RNF121: variants seen among roughly 807,000 people sequenced by gnomAD.
The protein encoded by RNF121 is ring finger protein 121.
In RNF121, 21 loss-of-function variants were observed where a neutral mutation model predicts 46.5. That is an observed-to-expected ratio of 0.45 (90% CI 0.32 to 0.65). The LOEUF (loss-of-function observed/expected upper bound fraction) is 0.65. Ranked by LOEUF, RNF121 falls within the 30% of genes least tolerant of loss-of-function variation. The pLI is 0.04. For synonymous variants in RNF121, 139 were observed against 144.7 expected (o/e 0.96, Z 0.28); for missense variants, 346 against 416.0 (o/e 0.83, Z 1.46).
At chr11:71,991,844 G>T (rs1315194360) in intron 6 of RNF121, among the ~76,000 whole-genome samples, 10 of 151,994 alleles carry the variant, frequency 6.6e-5, no homozygotes, top group Non-Finnish European at 1.5e-4. Flanking sequence ...GGGAGGGGCC[G>T]GGCACAGTGG....
chr11:71,988,310 G>C (rs1478226242), intron 5 of RNF121, among the ~76,000 whole-genome samples: 3 of 152,184 alleles, frequency 2.0e-5, no homozygotes, highest in African/African-American at 7.2e-5. Flanking sequence ...GATGAGGGTG[G>C]AAATAATGCT....
At chr11:71,977,985 T>C (rs1954564673) in intron 3 of RNF121, 1 of 274,688 alleles carries the variant, frequency 3.6e-6, no homozygotes, top group Non-Finnish European at 7.3e-6. Flanking sequence ...TAGCCATTTA[T>C]ATGCCTTCCT....
At chr11:71,995,419 C>G (rs1954954882) in intron 7 of RNF121, 31 bp from the exon 8 acceptor site, 1 of 1,547,042 alleles carries the variant, frequency 6.5e-7, no homozygotes, top group African/African-American at 1.4e-5. Context: ...CGCCCTGGCT[C>G]TCACCATTTC....
At chr11:71,994,954 C>A in intron 7 of RNF121, 102 bp downstream of exon 7, 1 of 1,498,938 alleles carries the variant, frequency 6.7e-7, no homozygotes, top group Non-Finnish European at 9.1e-7. Context: ...GCTGTCCAGA[C>A]CCTTGAGTGT....
At chr11:71,976,331 A>G (rs529642839) in intron 3 of RNF121, among the ~76,000 whole-genome samples, 30 of 126,526 alleles carry the variant, frequency 2.4e-4, no homozygotes, top group South Asian at 1.5e-3. Context: ...TGCCCCCTCC[A>G]TTCTGGGTAT....
rs547196349 is a variant in RNF121, at chr11:71,936,418, C to T, written c.63+7294C>T. 1.3e-3 allele frequency among the ~76,000 whole-genome samples: 195 copies of T among 150,270 alleles called. 1 individual carries two copies. The highest frequency in any genetic ancestry group is 1.9e-3 in the Non-Finnish European group (131 of 67,646). On this transcript the variant is annotated intron_variant, in intron 1 of 8. Transcript: ENST00000361756. ...CACTTTTTTATTTTTTAGACAGAGT[C>T]TCGCTCTGTCACCCAGGCTGGAGCG... is the stretch of plus-strand genomic sequence containing the variant.
At chr11:71,940,142 T>C (rs2134151347) in intron 1 of RNF121, among the ~76,000 whole-genome samples, 2 of 152,340 alleles carry the variant, frequency 1.3e-5, no homozygotes, top group East Asian at 3.9e-4. Context: ...CTTGAGCATA[T>C]GATTCCTCAC....
chr11:71,996,253 G>A lies in RNF121; in HGVS notation c.922G>A (p.Ala308Thr). 6.2e-7 allele frequency: 1 copy of A among 1,614,162 alleles called. No individual in the cohort carries two copies. The highest frequency in any genetic ancestry group is 8.5e-7 in the Non-Finnish European group (1 of 1,179,986). ...QLLDWLRYLVAWQPVIIGVVQ... is the reference protein window; with the variant it reads ...QLLDWLRYLVTWQPVIIGVVQ... ...GCTGGACTGGCTTCGATACTTGGTA[G>A]CCTGGCAGCCTGTCATCATTGGTGT... Residue 308 changes from alanine (A) to threonine (T), a missense_variant, in exon 9 of 9, where the codon GCC becomes ACC. Transcript: ENST00000361756.
At chr11:71,950,014 AAC>A (rs57734644) in intron 1 of RNF121, among the ~76,000 whole-genome samples, 11 of 150,480 alleles carry the variant, frequency 7.3e-5, no homozygotes, top group African/African-American at 1.9e-4. Flanking sequence ...AACAAAACAG[AAC>A]ACACACACAC....
chr11:71,979,859 T>C (rs1954609729), intron 3 of RNF121, among the ~76,000 whole-genome samples: 1 of 152,202 alleles, frequency 6.6e-6, no homozygotes, highest in Admixed American at 6.5e-5. Context: ...GACCAGACTA[T>C]GTGATTTAAT....
At chr11:71,949,732 C>G in intron 1 of RNF121, among the ~76,000 whole-genome samples, 1 of 151,484 alleles carries the variant, frequency 6.6e-6, no homozygotes. Flanking sequence ...CACGGTGGCT[C>G]ACACCTGTAA....
Position 71,929,106 on chromosome 11 carries a change from G to A in RNF121, c.45G>A (p.Gly15=), listed in dbSNP as rs1227376340. The change falls in exon 1 of 9, where the codon GGG becomes GGA. Residue 15 remains glycine, a synonymous_variant. Transcript: ENST00000361756. ...TGGAGGTTGGAGGTGGTGCTGCTGG[G>A]GAACGGGAGCTGGATGAGGTAAGCG... ...VEVEVGGGAA[G]ERELDEVDMS... 32 of 1,551,696 alleles carry A rather than the reference G, an allele frequency of 2.1e-5. No individual in the cohort carries two copies. The highest frequency in any genetic ancestry group is 1.1e-4 in the South Asian group (9 of 84,052).
chr11:71,963,785 C>T (rs973915975), intron 3 of RNF121, among the ~76,000 whole-genome samples: 3 of 152,142 alleles, frequency 2.0e-5, no homozygotes, highest in Admixed American at 6.5e-5. Flanking sequence ...ATTGGATGGT[C>T]GTGGCATGTC....
chr11:71,956,437 C>T (rs1953993351), intron 1 of RNF121, among the ~76,000 whole-genome samples: 1 of 152,170 alleles, frequency 6.6e-6, no homozygotes, highest in Admixed American at 6.5e-5. Flanking sequence ...ATACAGGACA[C>T]CTTCCTCAAC....
chr11:71,982,771 T>C lies in RNF121; in HGVS notation c.254T>C (p.Leu85Pro), dbSNP rs2134205804. 1.2e-6 allele frequency: 2 copies of C among 1,610,702 alleles called. No homozygotes were observed. The highest frequency in any genetic ancestry group is 2.2e-5 in the South Asian group (2 of 90,478). Residue 85 changes from leucine to proline, a missense_variant, in exon 4 of 9, where the codon CTC (leucine) becomes CCC (proline). This residue lies in a region of RNF121 where 286 missense variants were observed against 383.8 expected (regional missense o/e 0.75). Coordinates refer to ENST00000361756, the MANE Select transcript of RNF121 (RefSeq NM_018320.5). ...RHPRSYNMVT[L>P]FQMWVVPLYF... ...GTGTTTGTGTTTCAGATGGTGACCC[T>C]CTTTCAGATGTGGGTTGTTCCCCTC...
intron 4 of RNF121, among the ~76,000 whole-genome samples, chr11:71,984,475 G>T (rs1266833897): frequency 1.3e-5 from 2 of 151,870 alleles, no homozygotes; most frequent in Non-Finnish European, 2.9e-5. Context: ...TAGAGACAGG[G>T]TTTCCCCGTG....
At chr11:71,942,609 A>G (rs1393877761) in intron 1 of RNF121, among the ~76,000 whole-genome samples, 3 of 151,860 alleles carry the variant, frequency 2.0e-5, no homozygotes, top group African/African-American at 7.3e-5. Context: ...CTAAAAATAT[A>G]AAAAATTAGC....
chr11:71,990,451 A>G (rs570097798), intron 5 of RNF121, 146 bp from the exon 6 acceptor site: 8 of 923,518 alleles, frequency 8.7e-6, no homozygotes, highest in African/African-American at 1.7e-5. Context: ...AATAGACAGC[A>G]GACTGGATTT....
chr11:71,981,169 C>T (rs1396346453), intron 3 of RNF121, among the ~76,000 whole-genome samples: 1 of 152,004 alleles, frequency 6.6e-6, no homozygotes, highest in Non-Finnish European at 1.5e-5. Context: ...CTGCCTCAGC[C>T]TCCTGAGTAG....
Sources: gnomAD v4.1 joint callset for allele counts (sites outside exome capture counted in the v4.1 genomes callset) on GRCh38, gnomAD v4.1.1 for gene constraint, gnomAD v4.1.1 regional missense constraint, MANE v1.5 for transcripts, NCBI Gene and HGNC (gene_info 2026-07-23, HGNC 2026-07-21) for gene names.